The following SGF29 variants were observed in gnomAD, a reference collection of about 807,000 sequenced individuals.
SGF29 encodes the protein SAGA-associated factor 29.
A neutral mutation model predicts 38.1 loss-of-function variants in SGF29; 15 were observed. The ratio of observed to expected loss-of-function variants is 0.39; its 90% confidence interval spans 0.26 to 0.61. SGF29 has a LOEUF of 0.61. SGF29 is among the 20% of genes least tolerant of loss of function. The probability of loss-of-function intolerance (pLI) is 0.49; values close to 1 mark genes in which losing one functional copy is unlikely to be tolerated. For missense variants in SGF29, 184 were observed against 394.6 expected, an observed-to-expected ratio of 0.47 and a Z score of 4.52; for synonymous variants, 151 against 160.8, an observed-to-expected ratio of 0.94 and a Z score of 0.46.
chr16:28,589,876 T>A (rs2046977266), intron 5 of SGF29, among the ~76,000 whole-genome samples: 1 of 152,162 alleles, frequency 6.6e-6, no homozygotes. Context: ...TTCCTCCCCC[T>A]GGATCCCCGC....
At chr16:28,588,997 C>T in intron 4 of SGF29, 103 bp from the exon 5 acceptor site, 3 of 1,253,388 alleles carry the variant, frequency 2.4e-6, no homozygotes, top group Non-Finnish European at 3.5e-6. Flanking sequence ...GAGTCCGGGA[C>T]CAGCCTGGGC....
At position 28,590,723 on chromosome 16, in the gene SGF29, A is replaced by G. The variant is rs1484571479; in HGVS notation, c.603-50A>G. On this transcript the variant is annotated intron_variant, in intron 8 of 9. Coordinates refer to ENST00000317058, the MANE Select transcript of SGF29 (RefSeq NM_138414.3). This position sits in a 1 kb window ranked among gnomAD's most constrained non-coding sequence, Gnocchi z 8.2. The stretch of plus-strand genomic sequence containing the variant: ...CCTGGGGGCAGCCTAACAGCTGAGA[A>G]GGAGCATCCCCACCCGGCCACAGGT... 2 of 1,614,068 alleles carry G rather than the reference A, an allele frequency of 1.2e-6. No homozygotes were observed. Among genetic ancestry groups the G allele is most frequent in the Admixed American group, 3.3e-5 (2 of 60,012 alleles).
intron 1 of SGF29, among the ~76,000 whole-genome samples, chr16:28,564,685 G>GTATATATATGTATATATATACATATATA (rs1434333961): frequency 2.8e-5 from 2 of 71,188 alleles, no homozygotes; most frequent in Non-Finnish European, 5.4e-5. Flanking sequence ...GTATATATAT[G>GTATATATATGTATATATATACATATATA]TGTATATATA....
chr16:28,554,932 T>C (rs2046739110), intron 1 of SGF29, among the ~76,000 whole-genome samples: 1 of 152,234 alleles, frequency 6.6e-6, no homozygotes, highest in South Asian at 2.1e-4. Flanking sequence ...TGCTGAACGT[T>C]CTCTTCCTTT....
At chr16:28,568,339 TTGTTTGA>T (rs2046846019) in intron 1 of SGF29, among the ~76,000 whole-genome samples, 1 of 131,470 alleles carries the variant, frequency 7.6e-6, no homozygotes, top group African/African-American at 2.8e-5. Flanking sequence ...AAAAAAAAAG[TTGTTTGA>T]CAGGAATTCT....
At chr16:28,591,325 G>A (rs1329646510) in intron 9 of SGF29, among the ~76,000 whole-genome samples, 1 of 152,192 alleles carries the variant, frequency 6.6e-6, no homozygotes. Flanking sequence ...AAAGGCAGCA[G>A]ACCCTCCAGC....
intron 1 of SGF29, among the ~76,000 whole-genome samples, chr16:28,556,163 T>C (rs1273415846): frequency 6.6e-6 from 1 of 151,926 alleles, no homozygotes; most frequent in African/African-American, 2.4e-5. Flanking sequence ...GAATATAGAT[T>C]CTATTTATTT....
intron 1 of SGF29, among the ~76,000 whole-genome samples, chr16:28,571,571 G>A (rs1175050078): frequency 1.4e-5 from 2 of 142,048 alleles, no homozygotes; most frequent in East Asian, 2.0e-4. Flanking sequence ...CCAGCCTGGC[G>A]ACAGAACTAG....
At chr16:28,586,097 T>C (rs1049366292) in intron 4 of SGF29, among the ~76,000 whole-genome samples, 2 of 152,202 alleles carry the variant, frequency 1.3e-5, no homozygotes, top group Non-Finnish European at 2.9e-5. Context: ...GAGACCAGCC[T>C]GGGCAACAAA....
At chr16:28,558,146 G>T (rs1320603922) in intron 1 of SGF29, among the ~76,000 whole-genome samples, 18 of 145,024 alleles carry the variant, frequency 1.2e-4, no homozygotes, top group Non-Finnish European at 1.2e-4. Flanking sequence ...TCGCTGTGTC[G>T]CCAGGCTGGA....
intron 1 of SGF29, among the ~76,000 whole-genome samples, chr16:28,564,594 C>CGTATATAT (rs1724554988): frequency 8.3e-6 from 1 of 120,726 alleles, no homozygotes; most frequent in Non-Finnish European, 1.7e-5. Flanking sequence ...TATATATACA[C>CGTATATAT]ACATATATGT....
At chr16:28,564,553 A>ATATATATATACG (rs770445898) in intron 1 of SGF29, among the ~76,000 whole-genome samples, 25,030 of 108,022 alleles carry the variant, frequency 0.23, 4,660 homozygotes, top group Non-Finnish European at 0.32. Context: ...ATATATACGT[A>ATATATATATACG]TATATATATA....
chr16:28,572,256 G>A (rs1225875685), intron 1 of SGF29, among the ~76,000 whole-genome samples: 1 of 151,362 alleles, frequency 6.6e-6, no homozygotes, highest in Non-Finnish European at 1.5e-5. Flanking sequence ...GATTACAGGC[G>A]TGAGCCACTG....
intron 1 of SGF29, among the ~76,000 whole-genome samples, chr16:28,563,939 G>A (rs2046805058): frequency 6.6e-6 from 1 of 152,066 alleles, no homozygotes. Flanking sequence ...TAGAGACAGG[G>A]TTTTGCCATG....
At chr16:28,566,002 G>A (rs1180961799) in intron 1 of SGF29, among the ~76,000 whole-genome samples, 2 of 151,926 alleles carry the variant, frequency 1.3e-5, no homozygotes, top group East Asian at 2.0e-4. Flanking sequence ...GGCCGGGCAC[G>A]GTGGCTCACG....
chr16:28,578,657 TAGGA>T (rs2046908281), intron 1 of SGF29, among the ~76,000 whole-genome samples: 1 of 142,994 alleles, frequency 7.0e-6, no homozygotes, highest in South Asian at 2.2e-4. Flanking sequence ...TCTCTGTGAG[TAGGA>T]GGATGTGTTA....
At chr16:28,566,957 AC>A (rs1451739030) in intron 1 of SGF29, among the ~76,000 whole-genome samples, 6 of 152,162 alleles carry the variant, frequency 3.9e-5, no homozygotes, top group African/African-American at 1.4e-4. Flanking sequence ...GGGGTGAGCC[AC>A]CGTACCCCAC....
At chr16:28,555,613 G>C (rs1310168702) in intron 1 of SGF29, among the ~76,000 whole-genome samples, 1 of 152,202 alleles carries the variant, frequency 6.6e-6, no homozygotes, top group African/African-American at 2.4e-5. Flanking sequence ...CTATTATAGA[G>C]GCTGAGAAGT....
At chr16:28,572,155 T>C (rs567037939) in intron 1 of SGF29, among the ~76,000 whole-genome samples, 94 of 151,724 alleles carry the variant, frequency 6.2e-4, no homozygotes, top group African/African-American at 2.3e-3. Context: ...TTTTAGTATT[T>C]TTAGTGGAGA....
Sources: allele counts gnomAD v4.1 joint callset (sites outside exome capture counted in the v4.1 genomes callset), GRCh38; gene constraint gnomAD v4.1.1; non-coding constraint Gnocchi (gnomAD v3.1); transcripts MANE v1.5; gene names NCBI Gene and HGNC (gene_info 2026-07-23, HGNC 2026-07-21).